Variants in TRIO observed in about 807,000 individuals in gnomAD.
TRIO encodes the protein trio Rho guanine nucleotide exchange factor.
TRIO carries 58 observed loss-of-function variants against 351.9 expected under a neutral mutation model. That is an observed-to-expected ratio of 0.16 (90% CI 0.13 to 0.21). TRIO has a LOEUF of 0.21. Ranked by LOEUF, TRIO falls within the 10% of genes least tolerant of loss-of-function variation. The pLI, the probability that TRIO is intolerant of heterozygous loss-of-function variation, is 1.00. For missense variants in TRIO, 3,201 were observed against 4,027.8 expected, an observed-to-expected ratio of 0.79 and a Z score of 5.56; for synonymous variants, 1,758 against 1,595.7, an observed-to-expected ratio of 1.10 and a Z score of -2.42.
chr5:14,386,409 G>A (rs1283870200), intron 21 of TRIO, among the ~76,000 whole-genome samples: 1 of 152,178 alleles, frequency 6.6e-6, no homozygotes, highest in African/African-American at 2.4e-5. Flanking sequence ...GTTACCCAGT[G>A]AATTATGGCT....
At chr5:14,372,119 G>A (rs558192820) in intron 18 of TRIO, among the ~76,000 whole-genome samples, 9 of 151,900 alleles carry the variant, frequency 5.9e-5, no homozygotes, top group Admixed American at 5.9e-4. Flanking sequence ...ATTCCAGATT[G>A]GTAATTACAT....
rs903115668 is a variant in TRIO, at chr5:14,143,585, G to A, written c.-141G>A. The A allele has an allele frequency of 8.8e-4, 154 of 175,184 alleles. 1 individual carries two copies. Among genetic ancestry groups the A allele is most frequent in the Non-Finnish European group, 1.5e-3 (137 of 91,692 alleles). 10.9% of individuals were successfully genotyped at this position (175,184 alleles called of 1,614,324 possible). On this transcript the variant is annotated 5_prime_UTR_variant, in exon 1 of 57. Coordinates refer to ENST00000344204, the MANE Select transcript of TRIO (RefSeq NM_007118.4). ...GGCCGAGCCGCCGCCGCCGCCCCCC[G>A]CCGCCCCGGGGCTCTGCGTCCGCGC...
intron 9 of TRIO, among the ~76,000 whole-genome samples, chr5:14,327,295 G>A (rs1740474008): frequency 6.6e-6 from 1 of 152,140 alleles, no homozygotes; most frequent in South Asian, 2.1e-4. Flanking sequence ...CTCCCAAGTA[G>A]CTGGGATTAC....
intron 1 of TRIO, among the ~76,000 whole-genome samples, chr5:14,256,150 C>A (rs1795010025): frequency 6.6e-6 from 1 of 152,150 alleles, no homozygotes; most frequent in Admixed American, 6.5e-5. Context: ...CCTCAGGAAG[C>A]TTCCACTTGT....
chr5:14,395,829 A>T (rs1747513101), intron 28 of TRIO, among the ~76,000 whole-genome samples: 1 of 152,146 alleles, frequency 6.6e-6, no homozygotes, highest in Admixed American at 6.5e-5. Flanking sequence ...GCGGATCACG[A>T]CATCAGGAGA....
chr5:14,498,682 C>T (rs1187510304), intron 53 of TRIO, 42 bp downstream of exon 53: 1 of 1,598,090 alleles, frequency 6.3e-7, no homozygotes, highest in Admixed American at 1.7e-5. Flanking sequence ...CCCAGTGGGG[C>T]ACGTCTTTCA....
chr5:14,274,705 T>C (rs1206910132), intron 2 of TRIO, among the ~76,000 whole-genome samples: 1 of 152,126 alleles, frequency 6.6e-6, no homozygotes. Flanking sequence ...AAAAGGACCA[T>C]TGTTTGTTTG....
intron 1 of TRIO, among the ~76,000 whole-genome samples, chr5:14,151,093 G>GA (rs1322142856): frequency 1.3e-5 from 2 of 152,184 alleles, no homozygotes; most frequent in African/African-American, 4.8e-5. Flanking sequence ...TGGTGCGAAA[G>GA]AAGAAGTTTA....
chr5:14,208,450 A>C (rs952150650), intron 1 of TRIO, among the ~76,000 whole-genome samples: 12 of 152,246 alleles, frequency 7.9e-5, no homozygotes, highest in Non-Finnish European at 1.8e-4. Context: ...TGAAATTTCC[A>C]GAAAAAGCCA....
intron 1 of TRIO, among the ~76,000 whole-genome samples, chr5:14,243,106 C>T (rs1794227293): frequency 6.6e-6 from 1 of 152,122 alleles, no homozygotes; most frequent in African/African-American, 2.4e-5. Flanking sequence ...AGGAGGAGCT[C>T]AGTCTTGTGT....
intron 8 of TRIO, among the ~76,000 whole-genome samples, chr5:14,305,898 C>T (rs1303719318): frequency 6.6e-6 from 1 of 152,208 alleles, no homozygotes; most frequent in African/African-American, 2.4e-5. Flanking sequence ...TTTAGATACA[C>T]AAATACTTAG....
chr5:14,207,783 A>G (rs1791637877), intron 1 of TRIO, among the ~76,000 whole-genome samples: 1 of 152,236 alleles, frequency 6.6e-6, no homozygotes, highest in African/African-American at 2.4e-5. Context: ...CATATATCCA[A>G]TAAAGGATTT....
intron 34 of TRIO, among the ~76,000 whole-genome samples, chr5:14,427,883 CCA>C (rs1435234355): frequency 1.3e-5 from 2 of 152,282 alleles, no homozygotes; most frequent in East Asian, 3.9e-4. Flanking sequence ...CAAGAGCCAG[CCA>C]CACACTGAGC....
intron 34 of TRIO, among the ~76,000 whole-genome samples, chr5:14,438,937 G>T (rs190820825): frequency 6.6e-6 from 1 of 152,226 alleles, no homozygotes. Flanking sequence ...AGGAGGGAGG[G>T]GACCCAGAAG....
At chr5:14,400,492 T>C (rs1364634710) in intron 30 of TRIO, among the ~76,000 whole-genome samples, 2 of 152,170 alleles carry the variant, frequency 1.3e-5, no homozygotes, top group Non-Finnish European at 2.9e-5. Context: ...ATTGATGAAA[T>C]ACTAAAAGCT....
chr5:14,457,439 A>C (rs908517384), intron 34 of TRIO, among the ~76,000 whole-genome samples: 2 of 126,928 alleles, frequency 1.6e-5, no homozygotes, highest in Non-Finnish European at 3.1e-5. Flanking sequence ...CCACATTTTT[A>C]ATGCTTAACC....
chr5:14,332,642 G>C (rs115646844), intron 10 of TRIO, among the ~76,000 whole-genome samples: 7,215 of 152,208 alleles, frequency 0.047, 198 homozygotes, highest in African/African-American at 0.058. Context: ...AGACTGGCAC[G>C]TATTTACAGG....
rs1233930670 is a variant in TRIO, at chr5:14,498,091, C to T, written c.8050C>T (p.Pro2684Ser). 4.3e-6 allele frequency: 7 copies of T among 1,614,100 alleles called. No individual in the cohort carries two copies. The highest frequency in any genetic ancestry group is 2.2e-5 in the East Asian group (1 of 44,870). ...TTACCGACTCCTTTCCCATGCAGTTCCCCCAGAATTCGTCATTCCATTGAG... is the reference window on the plus strand; with the variant it reads ...TTACCGACTCCTTTCCCATGCAGTTTCCCCAGAATTCGTCATTCCATTGAG... Reference protein sequence around the residue: ...LLNPNYIYDVPPEFVIPLSEV... With the variant: ...LLNPNYIYDVSPEFVIPLSEV... Residue 2684 changes from proline to serine, a missense_variant and splice_region_variant, in exon 52 of 57, where the codon CCC (proline) becomes TCC (serine). Pro to Ser is a moderately conservative substitution (Grantham distance 74). This residue lies in a region of TRIO where 1,089 missense variants were observed against 954.9 expected (regional missense o/e 1.14). Coordinates refer to ENST00000344204, the MANE Select transcript of TRIO (RefSeq NM_007118.4).
chr5:14,411,701 A>G (rs1410538089), intron 33 of TRIO, among the ~76,000 whole-genome samples: 1 of 152,064 alleles, frequency 6.6e-6, no homozygotes, highest in East Asian at 1.9e-4. Flanking sequence ...TTGAACTCCT[A>G]GGCTCAAGTG....
Sources: gnomAD v4.1 joint callset for allele counts (sites outside exome capture counted in the v4.1 genomes callset) on GRCh38, gnomAD v4.1.1 for gene constraint, gnomAD v4.1.1 regional missense constraint, MANE v1.5 for transcripts, NCBI Gene and HGNC (gene_info 2026-07-23, HGNC 2026-07-21) for gene names.